The following SPECC1 variants were observed in gnomAD, a reference collection of about 807,000 sequenced individuals.
SPECC1 encodes the protein cytospin-B.
A neutral mutation model predicts 104.1 loss-of-function variants in SPECC1; 62 were observed. That is an observed-to-expected ratio of 0.60 (90% confidence interval 0.49 to 0.74). The LOEUF (loss-of-function observed/expected upper bound fraction) is 0.74, where lower values mean the gene tolerates loss of function less well. Among genes scored for constraint, SPECC1 ranks in the 30% least tolerant of loss-of-function variants. SPECC1 has a pLI of 0.00. For missense variants in SPECC1, 1,306 were observed against 1,310.5 expected (o/e 1.00, Z 0.05); for synonymous variants, 513 against 501.6 (o/e 1.02, Z -0.30).
intron 4 of SPECC1, among the ~76,000 whole-genome samples, chr17:20,207,246 G>T (rs1178313564): frequency 1.3e-5 from 2 of 152,198 alleles, no homozygotes; most frequent in African/African-American, 4.8e-5. Flanking sequence ...AGATGAGTCT[G>T]TTGCAGCCTG....
chr17:20,250,944 T>G (rs1044216192), intron 9 of SPECC1, among the ~76,000 whole-genome samples: 23 of 152,074 alleles, frequency 1.5e-4, no homozygotes, highest in African/African-American at 5.1e-4. Flanking sequence ...AGAATATGGT[T>G]GGCCAGGTAC....
At chr17:20,299,552 T>G (rs2041491739) in intron 13 of SPECC1, among the ~76,000 whole-genome samples, 1 of 93,332 alleles carries the variant, frequency 1.1e-5, no homozygotes, top group Admixed American at 1.4e-4. Context: ...AGAGACCCTG[T>G]CTCAAAAAAA....
At chr17:20,135,979 A>G (rs2029912309) in intron 3 of SPECC1, among the ~76,000 whole-genome samples, 1 of 152,174 alleles carries the variant, frequency 6.6e-6, no homozygotes, top group African/African-American at 2.4e-5. Flanking sequence ...TTCTGTTGGG[A>G]GGAGCCAAAT....
Position 20,205,915 on chromosome 17 carries a change from G to T in SPECC1, c.1863+3G>T. ...ATGTTTCCAGTCTGCTGGCCAAGGTGAGAAGAGACAGCTCTTTACTGGTAT... is the reference window on the plus strand; with the variant it reads ...ATGTTTCCAGTCTGCTGGCCAAGGTTAGAAGAGACAGCTCTTTACTGGTAT... On this transcript the variant is annotated splice_donor_region_variant and intron_variant, in intron 4 of 14. Transcript: ENST00000395527. The T allele has an allele frequency of 6.2e-7, 1 of 1,602,754 alleles. No individual in the cohort carries two copies. The highest frequency in any genetic ancestry group is 1.1e-5 in the South Asian group (1 of 90,028).
Position 20,314,061 on chromosome 17 carries a change from C to T in SPECC1, c.3203C>T (p.Thr1068Met), listed in dbSNP as rs530436980. Residue 1068 changes from threonine (T) to methionine (M), a missense_variant, in exon 15 of 15, where the codon ACG becomes ATG. Physicochemically the swap from Thr to Met is moderately conservative, Grantham distance 81. Around this residue, in one of 2 missense-constraint regions of SPECC1, gnomAD observed 129 missense variants for 170.6 expected, o/e 0.76. Transcript: ENST00000395527. ...GCCCAAATCTACAAGTACTTTGAGA[C>T]GTAACCCTGGAGGGCCTGGGGCAGC... Reference protein sequence around the residue: ...YVAQIYKYFET With the variant: ...YVAQIYKYFEM 28 of 1,613,820 alleles carry T rather than the reference C, an allele frequency of 1.7e-5. No homozygotes were observed. The East Asian group carries it at 2.5e-4, about 14-fold the overall frequency.
chr17:20,136,417 T>TC (rs1022952924), intron 3 of SPECC1, among the ~76,000 whole-genome samples: 36 of 120,842 alleles, frequency 3.0e-4, no homozygotes, highest in African/African-American at 9.7e-4. Flanking sequence ...AGAGCTAGAC[T>TC]CCATCTATTA....
chr17:20,123,235 A>G (rs4924808), intron 3 of SPECC1, among the ~76,000 whole-genome samples: 46,402 of 152,226 alleles, frequency 0.3, 8,490 homozygotes, highest in Middle Eastern at 0.41. Flanking sequence ...GTTTCTTTAT[A>G]TAGCACACGT....
chr17:20,304,260 A>G (rs914137240), intron 13 of SPECC1, among the ~76,000 whole-genome samples: 1 of 152,182 alleles, frequency 6.6e-6, no homozygotes, highest in African/African-American at 2.4e-5. Flanking sequence ...ACTACACTCC[A>G]GCCTGGGTGA....
At chr17:20,086,541 A>G (rs893168127) in intron 1 of SPECC1, among the ~76,000 whole-genome samples, 10 of 152,284 alleles carry the variant, frequency 6.6e-5, no homozygotes, top group Admixed American at 6.5e-5. Flanking sequence ...TGGGTCCCAT[A>G]CAGCCAGTAT....
At chr17:20,166,953 A>AG (rs2033700267) in intron 3 of SPECC1, among the ~76,000 whole-genome samples, 1 of 151,844 alleles carries the variant, frequency 6.6e-6, no homozygotes, top group African/African-American at 2.4e-5. Context: ...ACAAAAAAAA[A>AG]TTTTTTTAAT....
intron 1 of SPECC1, chr17:20,073,846 G>T (rs536921920): frequency 6.6e-6 from 1 of 152,258 alleles, no homozygotes; most frequent in Admixed American, 6.5e-5. Flanking sequence ...ATTCTCCCGT[G>T]GTGCATGGAC....
At chr17:20,126,028 TG>T (rs969827318) in intron 3 of SPECC1, among the ~76,000 whole-genome samples, 1 of 152,204 alleles carries the variant, frequency 6.6e-6, no homozygotes, top group African/African-American at 2.4e-5. Flanking sequence ...GGGTCCTCCC[TG>T]GGTGCCTGTG....
chr17:20,168,385 G>A (rs915676709), intron 3 of SPECC1, among the ~76,000 whole-genome samples: 13 of 152,132 alleles, frequency 8.5e-5, no homozygotes, highest in African/African-American at 3.1e-4. Flanking sequence ...TGTCAGTAAT[G>A]CATTTAATAA....
In SPECC1 at chr17:20,317,834, T is replaced by G. The variant is rs1567631972; in HGVS notation, c.*3769T>G. Reference sequence around the variant, plus strand: ...CTCAGGAGTCCAGGAATAGGCCTTCTAGCACAGCAGCTAGTAGGGCTCCCC... The same window carrying G: ...CTCAGGAGTCCAGGAATAGGCCTTCGAGCACAGCAGCTAGTAGGGCTCCCC... On this transcript the variant is annotated 3_prime_UTR_variant, in exon 15 of 15. Coordinates refer to ENST00000395527, the MANE Select transcript of SPECC1 (RefSeq NM_001243439.2). 4.4e-6 allele frequency: 1 copy of G among 225,274 alleles called. No homozygotes were observed. Among genetic ancestry groups the G allele is most frequent in the East Asian group, 6.4e-5 (1 of 15,568 alleles). The allele number at this position is 225,274 out of a possible 1,614,324, so 14.0% of individuals were successfully genotyped here.
At chr17:20,185,548 C>G (rs1298375461) in intron 3 of SPECC1, among the ~76,000 whole-genome samples, 2 of 152,322 alleles carry the variant, frequency 1.3e-5, no homozygotes, top group South Asian at 4.1e-4. Flanking sequence ...AATGGCCTAG[C>G]CAAGCTCTTC....
intron 14 of SPECC1, among the ~76,000 whole-genome samples, chr17:20,308,258 G>A (rs569223425): frequency 7.3e-5 from 11 of 151,610 alleles, no homozygotes; most frequent in Non-Finnish European, 1.5e-4. Flanking sequence ...GTGTGGTGGC[G>A]GGCACCTGTA....
At chr17:20,227,724 T>A in intron 5 of SPECC1, 104 bp downstream of exon 5, 1 of 1,046,950 alleles carries the variant, frequency 9.6e-7, no homozygotes, top group Non-Finnish European at 1.4e-6. Context: ...AGACCCAGCC[T>A]GACCAACATG....
At position 20,318,353 on chromosome 17, in the gene SPECC1, A is replaced by G; in HGVS notation, c.*4288A>G. Reference sequence around the variant, plus strand: ...CTTGTCCTAGCCCCTTCTCATTTCAAAAATATTAGTCTTTTATTTTCCTTT... The same window carrying G: ...CTTGTCCTAGCCCCTTCTCATTTCAGAAATATTAGTCTTTTATTTTCCTTT... On this transcript the variant is annotated 3_prime_UTR_variant, in exon 15 of 15. Transcript: ENST00000395527. 1 of 231,912 alleles carries G rather than the reference A, an allele frequency of 4.3e-6. No individual in the cohort carries two copies. Among genetic ancestry groups the G allele is most frequent in the East Asian group, 6.1e-5 (1 of 16,418 alleles). 14.4% of individuals were successfully genotyped at this position (231,912 alleles called of 1,614,324 possible).
rs148175987 is a variant in SPECC1 at position 20,029,310 on chromosome 17, G to T, written c.-22+19886G>T. On this transcript the variant is annotated intron_variant, in intron 1 of 14. Transcript: ENST00000395527. ...AATTATTTTCTTAATCTCATTTTTG[G>T]GTTGTTCACTGCAAGTGTATAGAAA... is the stretch of plus-strand genomic sequence containing the variant. Among the ~76,000 whole-genome samples the T allele has an allele frequency of 1.5e-3, 231 of 151,996 alleles. 2 individuals carry two copies. The highest frequency in any genetic ancestry group is 5.2e-3 in the African/African-American group (217 of 41,442).
Sources: allele counts gnomAD v4.1 joint callset (sites outside exome capture counted in the v4.1 genomes callset), GRCh38; gene constraint gnomAD v4.1.1; regional missense constraint gnomAD v4.1.1; transcripts MANE v1.5; gene names NCBI Gene and HGNC (gene_info 2026-07-23, HGNC 2026-07-21).